Variants in PARD3B observed in about 807,000 individuals in gnomAD.
PARD3B encodes the protein partitioning defective 3 homolog B.
A neutral mutation model predicts 130.2 loss-of-function variants in PARD3B; 103 were observed. The ratio of observed to expected loss-of-function variants is 0.79; its 90% CI spans 0.67 to 0.93. PARD3B has a LOEUF of 0.93. Ranked by LOEUF, PARD3B falls within the 40% of genes least tolerant of loss-of-function variation. The probability of loss-of-function intolerance (pLI) is 0.00; values close to 1 mark genes in which losing one functional copy is unlikely to be tolerated. For missense variants in PARD3B, 1,609 were observed against 1,499.2 expected (o/e 1.07, Z -1.21); for synonymous variants, 583 against 553.2 (o/e 1.05, Z -0.76).
intron 22 of PARD3B, among the ~76,000 whole-genome samples, chr2:205,559,888 C>T (rs1454583079): frequency 3.3e-5 from 5 of 152,102 alleles, no homozygotes; most frequent in African/African-American, 7.2e-5. Flanking sequence ...CGTGAGCCAC[C>T]GCACCCAGCC....
intron 2 of PARD3B, among the ~76,000 whole-genome samples, chr2:204,819,796 T>C (rs969221039): frequency 2.0e-5 from 3 of 152,126 alleles, no homozygotes; most frequent in Admixed American, 6.6e-5. Context: ...GTAGTCTAGA[T>C]AGAAAATAAA....
chr2:205,302,065 C>CTTTTTTTTTTTTTTTTTT (rs3048088), intron 18 of PARD3B, among the ~76,000 whole-genome samples: 2 of 77,780 alleles, frequency 2.6e-5, no homozygotes, highest in Non-Finnish European at 4.4e-5. Flanking sequence ...TTTTTCTTTT[C>CTTTTTTTTTTTTTTTTTT]TTTTTTTTTT....
chr2:204,882,127 C>G (rs960786519), intron 2 of PARD3B, among the ~76,000 whole-genome samples: 1 of 152,120 alleles, frequency 6.6e-6, no homozygotes, highest in Non-Finnish European at 1.5e-5. Flanking sequence ...CTTTTGCTAC[C>G]TTTGGAATAC....
chr2:205,308,853 C>T (rs2042278303), intron 18 of PARD3B, among the ~76,000 whole-genome samples: 1 of 152,102 alleles, frequency 6.6e-6, no homozygotes, highest in African/African-American at 2.4e-5. Flanking sequence ...GAATAAACAA[C>T]TAATCCAAAA....
chr2:204,571,202 T>C (rs2031984395), intron 1 of PARD3B, among the ~76,000 whole-genome samples: 1 of 152,182 alleles, frequency 6.6e-6, no homozygotes, highest in Admixed American at 6.5e-5. Flanking sequence ...GGAAAAACAC[T>C]GAACTTGGCA....
At chr2:205,166,644 T>C (rs973430932) in intron 11 of PARD3B, among the ~76,000 whole-genome samples, 1 of 152,060 alleles carries the variant, frequency 6.6e-6, no homozygotes, top group African/African-American at 2.4e-5. Flanking sequence ...TAGTTTAGGG[T>C]TTTGGGTTTT....
intron 11 of PARD3B, among the ~76,000 whole-genome samples, chr2:205,171,160 T>C (rs1053397243): frequency 7.2e-5 from 11 of 152,218 alleles, no homozygotes; most frequent in Admixed American, 3.3e-4. Context: ...CTGTTGACTT[T>C]ATTAGCAGCA....
At chr2:205,418,831 TA>T (rs1397014946) in intron 19 of PARD3B, among the ~76,000 whole-genome samples, 2 of 152,280 alleles carry the variant, frequency 1.3e-5, no homozygotes, top group East Asian at 3.9e-4. Flanking sequence ...CAGAATATAG[TA>T]AAAAGTTTAG....
intron 2 of PARD3B, among the ~76,000 whole-genome samples, chr2:204,762,612 G>C (rs540682468): frequency 6.6e-6 from 1 of 152,220 alleles, no homozygotes; most frequent in East Asian, 1.9e-4. Context: ...ATGGGAATTG[G>C]AGTTTTAATT....
At chr2:204,645,379 T>C (rs1226886684) in intron 1 of PARD3B, among the ~76,000 whole-genome samples, 1 of 152,210 alleles carries the variant, frequency 6.6e-6, no homozygotes, top group African/African-American at 2.4e-5. Context: ...CTGATTGTTT[T>C]TGTAATAAAA....
chr2:205,366,221 C>T lies in PARD3B; in HGVS notation c.2631-34792C>T, dbSNP rs1188871238. Among the ~76,000 whole-genome samples, 1 of 152,180 alleles carries T rather than the reference C, an allele frequency of 6.6e-6. No homozygotes were observed. The highest frequency in any genetic ancestry group is 1.5e-5 in the Non-Finnish European group (1 of 68,040). On this transcript the variant is annotated intron_variant, in intron 18 of 22. Coordinates refer to ENST00000406610, the MANE Select transcript of PARD3B (RefSeq NM_001302769.2). This position sits in a 1 kb window ranked among gnomAD's most constrained non-coding sequence, Gnocchi z 5.0. The stretch of plus-strand genomic sequence containing the variant: ...TAAAATTAGCTTTACATTCCATAAG[C>T]ACCCATACACTGATGGAAAGTGGAG...
intron 18 of PARD3B, among the ~76,000 whole-genome samples, chr2:205,311,281 C>A (rs565606687): frequency 5.9e-5 from 9 of 152,124 alleles, no homozygotes; most frequent in Non-Finnish European, 1.2e-4. Flanking sequence ...AATTTACATT[C>A]CCAACAGTGT....
intron 2 of PARD3B, among the ~76,000 whole-genome samples, chr2:204,880,978 A>G (rs1310890540): frequency 1.3e-5 from 2 of 152,232 alleles, no homozygotes; most frequent in African/African-American, 2.4e-5. Flanking sequence ...CAGAGAAGTC[A>G]TGGAAACAAG....
At chr2:204,745,745 A>G (rs2040196746) in intron 2 of PARD3B, among the ~76,000 whole-genome samples, 1 of 152,056 alleles carries the variant, frequency 6.6e-6, no homozygotes, top group African/African-American at 2.4e-5. Context: ...GAGCCAATCT[A>G]ATAATCTGTC....
intron 11 of PARD3B, among the ~76,000 whole-genome samples, chr2:205,165,389 G>T (rs1346706468): frequency 6.6e-6 from 1 of 151,848 alleles, no homozygotes; most frequent in African/African-American, 2.4e-5. Flanking sequence ...GCCATAAGTT[G>T]CAGTATATCT....
intron 16 of PARD3B, among the ~76,000 whole-genome samples, chr2:205,299,058 A>G (rs1276200098): frequency 6.6e-6 from 1 of 152,230 alleles, no homozygotes; most frequent in African/African-American, 2.4e-5. Flanking sequence ...AGTGCTTAAC[A>G]CAGACTAAGC....
In PARD3B at chr2:204,907,154, A is replaced by G. The variant is rs1233167106; in HGVS notation, c.223-57998A>G. Among the ~76,000 whole-genome samples, 1 of 151,808 alleles carries G rather than the reference A, an allele frequency of 6.6e-6. No homozygotes were observed. The highest frequency in any genetic ancestry group is 1.5e-5 in the Non-Finnish European group (1 of 67,942). ...CACCACCACACCCGGCTCTTTTTTCATATTTTTAGTAAAGACGGGGTTTCA... is the reference window on the plus strand; with the variant it reads ...CACCACCACACCCGGCTCTTTTTTCGTATTTTTAGTAAAGACGGGGTTTCA... On this transcript the variant is annotated intron_variant, in intron 2 of 22. Transcript: ENST00000406610. This position sits in a 1 kb window ranked among gnomAD's most constrained non-coding sequence, Gnocchi z 5.7.
At chr2:205,061,342 A>G (rs1174776183) in intron 4 of PARD3B, among the ~76,000 whole-genome samples, 2 of 152,166 alleles carry the variant, frequency 1.3e-5, no homozygotes, top group Admixed American at 1.3e-4. Context: ...GACTGTAAAC[A>G]TGACTGCTTG....
intron 2 of PARD3B, among the ~76,000 whole-genome samples, chr2:204,783,061 A>T (rs912243745): frequency 3.3e-5 from 5 of 152,118 alleles, no homozygotes; most frequent in Non-Finnish European, 7.4e-5. Flanking sequence ...TATCTGTGCC[A>T]TAAACTCTAC....
Sources: allele counts gnomAD v4.1 joint callset (sites outside exome capture counted in the v4.1 genomes callset), GRCh38; gene constraint gnomAD v4.1.1; non-coding constraint Gnocchi (gnomAD v3.1); transcripts MANE v1.5; gene names NCBI Gene and HGNC (gene_info 2026-07-23, HGNC 2026-07-21).